CXCR2: variants seen among roughly 807,000 people sequenced by gnomAD.
CXCR2 encodes C-X-C chemokine receptor type 2.
In CXCR2, 2 loss-of-function variants were observed where a neutral mutation model predicts 3.7. The ratio of observed to expected loss-of-function variants is 0.55; its 90% CI spans 0.22 to 1.72. The LOEUF is 1.72. CXCR2 is among the 40% of genes most tolerant of loss of function. CXCR2 has a pLI of 0.19. For synonymous variants in CXCR2, 203 were observed against 193.3 expected (o/e 1.05, Z -0.41); for missense variants, 351 against 450.1 (o/e 0.78, Z 1.99).
chr2:218,128,512 G>A (rs1228575423), intron 1 of CXCR2, among the ~76,000 whole-genome samples: 1 of 152,128 alleles, frequency 6.6e-6, no homozygotes, highest in Non-Finnish European at 1.5e-5. Context: ...GGCTCTGCCT[G>A]GATTAATTCA....
In CXCR2 at chr2:218,136,498, G is replaced by C. The variant is rs976447852; in HGVS notation, c.*614G>C. ...TTGCTGGGGGGGATTGTAAAATGGT[G>C]TGACCACTGCAGAAGACAGTATGGC... On this transcript the variant is annotated 3_prime_UTR_variant, in exon 3 of 3. Transcript: ENST00000318507. 2.4e-5 allele frequency: 4 copies of C among 167,398 alleles called. No homozygotes were observed. The highest frequency in any genetic ancestry group is 4.8e-5 in the African/African-American group (2 of 41,430). 10.4% of individuals were successfully genotyped at this position (167,398 alleles called of 1,614,324 possible).
At position 218,135,482 on chromosome 2, in the gene CXCR2, G is replaced by T. The variant is rs1690767889; in HGVS notation, c.681G>T (p.Met227Ile). The T allele has an allele frequency of 6.2e-7, 1 of 1,614,178 alleles. No individual in the cohort carries two copies. The highest frequency in any genetic ancestry group is 8.5e-7 in the Non-Finnish European group (1 of 1,180,020). ...GCTTCATCGTGCCACTGCTGATCAT[G>T]CTGTTCTGCTACGGATTCACCCTGC... ...SFGFIVPLLI[M>I]LFCYGFTLRT... The change falls in exon 3 of 3, where the codon ATG becomes ATT. Residue 227 changes from methionine (M) to isoleucine (I), a missense_variant. By Grantham distance (10) the Met-to-Ile change is conservative. Transcript: ENST00000318507. This position sits in a 1 kb window ranked among gnomAD's most constrained non-coding sequence, Gnocchi z 4.0.
At position 218,135,335 on chromosome 2, in the gene CXCR2, G is replaced by T; in HGVS notation, c.534G>T (p.Leu178=). 1 of 1,614,152 alleles carries T rather than the reference G, an allele frequency of 6.2e-7. No individual in the cohort carries two copies. The part of the protein sequence containing the change: ...SIWGLSLLLA[L]PVLLFRRTVY... ...GGGGTCTGTCCTTGCTCCTGGCCCT[G>T]CCTGTCTTACTTTTCCGAAGGACCG... Residue 178 remains leucine, a synonymous_variant, in exon 3 of 3, where the codon CTG becomes CTT. Transcript: ENST00000318507. The surrounding 1 kb of genome is among the most constrained non-coding windows in gnomAD (Gnocchi z 4.0).
intron 2 of CXCR2, among the ~76,000 whole-genome samples, chr2:218,129,708 C>T (rs1206117177): frequency 5.3e-5 from 5 of 94,114 alleles, no homozygotes; most frequent in Non-Finnish European, 1.0e-4. Flanking sequence ...CACTTCCCGA[C>T]ACTAAATGCA....
Position 218,134,116 on chromosome 2 carries a change from T to A in CXCR2, c.-25-661T>A, listed in dbSNP as rs530451242. 5.3e-5 allele frequency among the ~76,000 whole-genome samples: 8 copies of A among 152,342 alleles called. No homozygotes were observed. In the East Asian group the frequency reaches 1.5e-3, roughly 29 times the overall value. On this transcript the variant is annotated intron_variant, in intron 2 of 2. Transcript: ENST00000318507. ...CAATTGTTCAAACCATTTTCCAGAA[T>A]ACATCTTTTAAAATAACTTTTAGAA...
At chr2:218,125,557 G>A (rs1216270700), upstream of CXCR2, 2 of 142,236 alleles carry the variant, frequency 1.4e-5, no homozygotes, top group African/African-American at 2.8e-5. Context: ...TGTTGTCTTG[G>A]GGGGAAAGAA....
Position 218,136,046 on chromosome 2 carries a change from T to C in CXCR2, c.*162T>C. The stretch of plus-strand genomic sequence containing the variant: ...CACGTTCTTACTAGTTTCCCTTGCA[T>C]GGTTTAGAAAGCTTGCCCTGGTGCC... On this transcript the variant is annotated 3_prime_UTR_variant, in exon 3 of 3. Coordinates refer to ENST00000318507, the MANE Select transcript of CXCR2 (RefSeq NM_001557.4). 2 of 968,294 alleles carry C rather than the reference T, an allele frequency of 2.1e-6. No individual in the cohort carries two copies. Among genetic ancestry groups the C allele is most frequent in the South Asian group, 1.7e-5 (1 of 57,452 alleles). 60.0% of individuals were successfully genotyped at this position (968,294 alleles called of 1,614,324 possible).
In CXCR2 at chr2:218,137,010, A is replaced by G. The variant is rs972386242; in HGVS notation, c.*1126A>G. The G allele has an allele frequency of 6.0e-6, 1 of 167,060 alleles. No individual in the cohort carries two copies. Among genetic ancestry groups the G allele is most frequent in the Non-Finnish European group, 1.5e-5 (1 of 68,100 alleles). The allele number at this position is 167,060 out of a possible 1,614,324, so 10.3% of individuals were successfully genotyped here. On this transcript the variant is annotated 3_prime_UTR_variant, in exon 3 of 3. Transcript: ENST00000318507. Reference sequence around the variant, plus strand: ...GATGTTGAAAAAGTTCTGCAGATAAACAGTAGTGATAGTTGTACCGCAATG... The same window carrying G: ...GATGTTGAAAAAGTTCTGCAGATAAGCAGTAGTGATAGTTGTACCGCAATG...
intron 2 of CXCR2, among the ~76,000 whole-genome samples, chr2:218,130,158 C>T (rs1180600671): frequency 6.6e-6 from 1 of 152,196 alleles, no homozygotes; most frequent in African/African-American, 2.4e-5. Context: ...CGGTGGCTTA[C>T]ACCTGTAATC....
intron 2 of CXCR2, among the ~76,000 whole-genome samples, 186 bp downstream of exon 2, chr2:218,129,551 C>A (rs1249437749): frequency 6.6e-6 from 1 of 152,112 alleles, no homozygotes. Context: ...AACTTCTGTT[C>A]CTCCTCCCTC....
chr2:218,135,047 C>A lies in CXCR2; in HGVS notation c.246C>A (p.Val82=). 1.2e-6 allele frequency: 2 copies of A among 1,614,210 alleles called. No homozygotes were observed. Among genetic ancestry groups the A allele is most frequent in the Non-Finnish European group, 1.7e-6 (2 of 1,180,030 alleles). The change falls in exon 3 of 3, where the codon GTC becomes GTA. Residue 82 remains valine (V), a synonymous_variant. Coordinates refer to ENST00000318507, the MANE Select transcript of CXCR2 (RefSeq NM_001557.4). This position sits in a 1 kb window ranked among gnomAD's most constrained non-coding sequence, Gnocchi z 4.0. ...TATACAGCAGGGTCGGCCGCTCCGT[C>A]ACTGATGTCTACCTGCTGAACCTAG... ...VILYSRVGRS[V]TDVYLLNLAL... is the part of the protein sequence containing the mutation.
rs753551249 is a variant in CXCR2, at chr2:218,135,263, A to G, written c.462A>G (p.Thr154=). The G allele has an allele frequency of 5.0e-6, 8 of 1,614,214 alleles. No homozygotes were observed. In the South Asian group the frequency reaches 8.8e-5, roughly 18 times the overall value. ...RYLAIVHATR[T]LTQKRYLVKF... is the part of the protein sequence containing the mutation. ...TGGCCATTGTCCATGCCACACGCACACTGACCCAGAAGCGCTACTTGGTCA... is the reference window on the plus strand; with the variant it reads ...TGGCCATTGTCCATGCCACACGCACGCTGACCCAGAAGCGCTACTTGGTCA... Residue 154 remains threonine (T), a synonymous_variant, in exon 3 of 3, where the codon ACA becomes ACG. Coordinates refer to ENST00000318507, the MANE Select transcript of CXCR2 (RefSeq NM_001557.4). The surrounding 1 kb of genome is among the most constrained non-coding windows in gnomAD (Gnocchi z 4.0).
chr2:218,127,761 T>G (rs1246682437), intron 1 of CXCR2, among the ~76,000 whole-genome samples: 1 of 152,236 alleles, frequency 6.6e-6, no homozygotes, highest in East Asian at 1.9e-4. Flanking sequence ...TTCCAGAAAG[T>G]GCCTGCTTCG....
rs201610228 is a variant in CXCR2, at chr2:218,135,980, T to A, written c.*96T>A. 18 of 1,458,192 alleles carry A rather than the reference T, an allele frequency of 1.2e-5. No homozygotes were observed. The highest frequency in any genetic ancestry group is 6.5e-6 in the Non-Finnish European group (7 of 1,081,420). The allele number at this position is 1,458,192 out of a possible 1,614,324, so 90.3% of individuals were successfully genotyped here. A position where few individuals can be genotyped will look rare whatever the true frequency, so the allele number is the denominator to read the frequency against. On this transcript the variant is annotated 3_prime_UTR_variant, in exon 3 of 3. Coordinates refer to ENST00000318507, the MANE Select transcript of CXCR2 (RefSeq NM_001557.4). The surrounding 1 kb of genome is among the most constrained non-coding windows in gnomAD (Gnocchi z 4.0). ...CCACTGGTTCTTCTTGGTCTCAGTG[T>A]CAATGCAGCCCCCATTGTGGTCACA...
upstream of CXCR2, chr2:218,125,546 C>T (rs1690488512): frequency 6.7e-6 from 1 of 150,020 alleles, no homozygotes; most frequent in Non-Finnish European, 1.5e-5. Context: ...TGCCTCCAAT[C>T]TGTTGTCTTG....
intron 2 of CXCR2, among the ~76,000 whole-genome samples, chr2:218,130,692 A>T (rs1008201924): frequency 3.3e-5 from 5 of 152,160 alleles, no homozygotes; most frequent in African/African-American, 1.2e-4. Context: ...GAGATCATGT[A>T]CCTGTGAGGC....
Position 218,136,938 on chromosome 2 carries a change from G to A in CXCR2, c.*1054G>A, listed in dbSNP as rs201107545. ...AGTGATTACCAGGGACTGAGGGGAG[G>A]GGAGCATGGGAAGTGACGGTTTAAT... On this transcript the variant is annotated 3_prime_UTR_variant, in exon 3 of 3. Coordinates refer to ENST00000318507, the MANE Select transcript of CXCR2 (RefSeq NM_001557.4). The A allele has an allele frequency of 6.0e-6, 1 of 167,250 alleles. No homozygotes were observed. The highest frequency in any genetic ancestry group is 1.5e-5 in the Non-Finnish European group (1 of 68,120). The allele number at this position is 167,250 out of a possible 1,614,324, so 10.4% of individuals were successfully genotyped here.
At position 218,136,467 on chromosome 2, in the gene CXCR2, C is replaced by G. The variant is rs1390263815; in HGVS notation, c.*583C>G. The G allele has an allele frequency of 6.0e-6, 1 of 167,304 alleles. No homozygotes were observed. The highest frequency in any genetic ancestry group is 6.5e-5 in the Admixed American group (1 of 15,282). 10.4% of individuals were successfully genotyped at this position (167,304 alleles called of 1,614,324 possible). ...GATGTAGAGGAGAAACTGGAACTCT[C>G]GAGCGTTGCTGGGGGGGATTGTAAA... On this transcript the variant is annotated 3_prime_UTR_variant, in exon 3 of 3. Coordinates refer to ENST00000318507, the MANE Select transcript of CXCR2 (RefSeq NM_001557.4).
In CXCR2 at chr2:218,136,134, A is replaced by G. The variant is rs962120408; in HGVS notation, c.*250A>G. 5 of 500,262 alleles carry G rather than the reference A, an allele frequency of 1.0e-5. No homozygotes were observed. The highest frequency in any genetic ancestry group is 3.8e-5 in the African/African-American group (2 of 52,046). The allele number at this position is 500,262 out of a possible 1,614,324, so 31.0% of individuals were successfully genotyped here. A position where few individuals can be genotyped will look rare whatever the true frequency, so the allele number is the denominator to read the frequency against. ...CTCTGCCCATCCTGCCCCTGAGCCCATGGCACTCTATGTTCTAAGAAGTGA... is the reference window on the plus strand; with the variant it reads ...CTCTGCCCATCCTGCCCCTGAGCCCGTGGCACTCTATGTTCTAAGAAGTGA... On this transcript the variant is annotated 3_prime_UTR_variant, in exon 3 of 3. Coordinates refer to ENST00000318507, the MANE Select transcript of CXCR2 (RefSeq NM_001557.4).
Sources: allele counts gnomAD v4.1 joint callset (sites outside exome capture counted in the v4.1 genomes callset), GRCh38; gene constraint gnomAD v4.1.1; non-coding constraint Gnocchi (gnomAD v3.1); transcripts MANE v1.5; gene names NCBI Gene and HGNC (gene_info 2026-07-23, HGNC 2026-07-21).